KIAA1328: variants seen among roughly 807,000 people sequenced by gnomAD.
KIAA1328 encodes the protein protein hinderin.
In KIAA1328, 52 loss-of-function variants were observed where a neutral mutation model predicts 68.1. The ratio of observed to expected loss-of-function variants is 0.76; its 90% CI spans 0.61 to 0.96. The LOEUF is 0.96. Ranked by LOEUF, KIAA1328 falls within the 40% of genes least tolerant of loss-of-function variation. The pLI is 0.00. For synonymous variants in KIAA1328, 232 were observed against 239.4 expected (o/e 0.97, Z 0.28); for missense variants, 641 against 677.6 (o/e 0.95, Z 0.60).
At chr18:36,838,725 A>G (rs535415326) in intron 3 of KIAA1328, among the ~76,000 whole-genome samples, 113 of 151,978 alleles carry the variant, frequency 7.4e-4, no homozygotes, top group African/African-American at 2.3e-3. Flanking sequence ...ATTTGGTTAT[A>G]GTATACCCTG....
At chr18:37,118,535 T>C (rs544274518) in intron 7 of KIAA1328, among the ~76,000 whole-genome samples, 2 of 152,180 alleles carry the variant, frequency 1.3e-5, no homozygotes, top group South Asian at 4.1e-4. Flanking sequence ...TTCCTTTGTG[T>C]AGTAGCAACC....
At chr18:36,895,657 GTATT>G (rs1200077649) in intron 5 of KIAA1328, 26 of 431,808 alleles carry the variant, frequency 6.0e-5, no homozygotes, top group African/African-American at 5.2e-4. Context: ...GTTTGCTTAT[GTATT>G]TATTTGTTAC....
intron 6 of KIAA1328, among the ~76,000 whole-genome samples, chr18:37,041,116 T>A (rs2055227195): frequency 6.6e-6 from 1 of 151,984 alleles, no homozygotes; most frequent in Non-Finnish European, 1.5e-5. Context: ...GATTTTTTGT[T>A]TAGTTGTTCC....
intron 9 of KIAA1328, among the ~76,000 whole-genome samples, chr18:37,203,910 T>A (rs918689250): frequency 7.9e-5 from 12 of 151,862 alleles, no homozygotes; most frequent in African/African-American, 2.7e-4. Flanking sequence ...CCCGGGTTCA[T>A]GCCATTCTCC....
rs116558403 is a variant in KIAA1328 at position 36,937,754 on chromosome 18, T to A, written c.449-21554T>A. On this transcript the variant is annotated intron_variant, in intron 5 of 9. Coordinates refer to ENST00000280020, the MANE Select transcript of KIAA1328 (RefSeq NM_020776.3). Reference sequence around the variant, plus strand: ...CTTACATTTATATCCTTTTTTTCCCTTCATTCCCACCTCCCCACTACCCCT... The same window carrying A: ...CTTACATTTATATCCTTTTTTTCCCATCATTCCCACCTCCCCACTACCCCT... Among the ~76,000 whole-genome samples the A allele has an allele frequency of 6.7e-3, 1,015 of 152,210 alleles. 15 individuals carry two copies. Among genetic ancestry groups the A allele is most frequent in the African/African-American group, 0.023 (940 of 41,532 alleles).
chr18:36,850,240 T>C (rs758540806), intron 4 of KIAA1328, among the ~76,000 whole-genome samples: 1 of 152,102 alleles, frequency 6.6e-6, no homozygotes, highest in African/African-American at 2.4e-5. Flanking sequence ...TTCATTTTGA[T>C]GCTTTTGTAA....
intron 5 of KIAA1328, chr18:36,923,912 A>G (rs1479588392): frequency 6.6e-6 from 1 of 152,206 alleles, no homozygotes; most frequent in Non-Finnish European, 1.5e-5. Flanking sequence ...AGGAGTTCTG[A>G]TTTGATGAGA....
chr18:37,002,169 T>C (rs938281046), intron 6 of KIAA1328, among the ~76,000 whole-genome samples: 2 of 151,326 alleles, frequency 1.3e-5, no homozygotes, highest in African/African-American at 2.4e-5. Flanking sequence ...AATTACAAGA[T>C]ACAAAATTGA....
chr18:37,207,020 G>A (rs1411943206), intron 9 of KIAA1328, among the ~76,000 whole-genome samples: 1 of 152,174 alleles, frequency 6.6e-6, no homozygotes, highest in Non-Finnish European at 1.5e-5. Context: ...AGGCAAATCA[G>A]AACAGGGGAG....
At chr18:36,944,374 C>G (rs1040941733) in intron 5 of KIAA1328, among the ~76,000 whole-genome samples, 6 of 151,948 alleles carry the variant, frequency 3.9e-5, no homozygotes, top group Non-Finnish European at 8.8e-5. Context: ...ATCAGGAGAT[C>G]GAGACCATCC....
intron 6 of KIAA1328, among the ~76,000 whole-genome samples, chr18:37,022,064 AAAAT>A (rs929253085): frequency 7.2e-5 from 11 of 151,734 alleles, no homozygotes; most frequent in Non-Finnish European, 4.4e-5. Flanking sequence ...TAATTAAAAT[AAAAT>A]AAAATAAAAT....
intron 4 of KIAA1328, among the ~76,000 whole-genome samples, chr18:36,873,115 A>G (rs1052942200): frequency 6.6e-6 from 1 of 152,154 alleles, no homozygotes; most frequent in Non-Finnish European, 1.5e-5. Context: ...GTTTTTCGCT[A>G]TGGGCAGGCT....
intron 5 of KIAA1328, among the ~76,000 whole-genome samples, chr18:36,940,674 C>CTTTTTTTT (rs1272164052): frequency 1.6e-5 from 2 of 127,698 alleles, no homozygotes; most frequent in Non-Finnish European, 3.3e-5. Flanking sequence ...GCTCATTTTA[C>CTTTTTTTT]TTTTTTTTTT....
At chr18:37,120,164 C>T (rs2058230188) in intron 7 of KIAA1328, among the ~76,000 whole-genome samples, 1 of 151,870 alleles carries the variant, frequency 6.6e-6, no homozygotes, top group Non-Finnish European at 1.5e-5. Context: ...GAATCAGAGG[C>T]AGGGGAAGCA....
chr18:36,833,482 AGG>A (rs1487489891), intron 1 of KIAA1328: 1 of 152,242 alleles, frequency 6.6e-6, no homozygotes, highest in Non-Finnish European at 1.5e-5. Context: ...AACAAGTTAC[AGG>A]GATCAGATCT....
At chr18:37,152,011 A>G (rs1294250721) in intron 7 of KIAA1328, among the ~76,000 whole-genome samples, 1 of 150,426 alleles carries the variant, frequency 6.6e-6, no homozygotes, top group Admixed American at 6.6e-5. Flanking sequence ...GGAGTAGCCC[A>G]GTCATGGCTA....
rs559744012 is a variant in KIAA1328, at chr18:36,875,600, C to T, written c.333-9957C>T. Among the ~76,000 whole-genome samples the T allele has an allele frequency of 1.6e-4, 25 of 152,212 alleles. 1 individual carries two copies. In the East Asian group the frequency reaches 2.3e-3, roughly 14 times the overall value. On this transcript the variant is annotated intron_variant, in intron 4 of 9. Coordinates refer to ENST00000280020, the MANE Select transcript of KIAA1328 (RefSeq NM_020776.3). ...ATGGGGGTTTAATAAATATGCAATC[C>T]TGTCATCTGCAAACAGAGACAATTT...
Position 37,222,423 on chromosome 18 carries a change from C to T in KIAA1328, c.*196C>T. The T allele has an allele frequency of 7.0e-7, 1 of 1,420,768 alleles. No homozygotes were observed. Among genetic ancestry groups the T allele is most frequent in the Non-Finnish European group, 9.1e-7 (1 of 1,093,106 alleles). The allele number at this position is 1,420,768 out of a possible 1,614,324, so 88.0% of individuals were successfully genotyped here. Reference sequence around the variant, plus strand: ...CAATCAGACCAGGCATTCGATAACACACTAAGGGGGTAGGAATGGAAGATG... The same window carrying T: ...CAATCAGACCAGGCATTCGATAACATACTAAGGGGGTAGGAATGGAAGATG... On this transcript the variant is annotated 3_prime_UTR_variant, in exon 10 of 10. Transcript: ENST00000280020.
chr18:37,104,949 T>C (rs2057727909), intron 7 of KIAA1328, among the ~76,000 whole-genome samples: 1 of 152,220 alleles, frequency 6.6e-6, no homozygotes, highest in African/African-American at 2.4e-5. Flanking sequence ...TAATTATCAA[T>C]GATAACTGGC....
Sources: allele counts gnomAD v4.1 joint callset (sites outside exome capture counted in the v4.1 genomes callset), GRCh38; gene constraint gnomAD v4.1.1; transcripts MANE v1.5; gene names NCBI Gene and HGNC (gene_info 2026-07-23, HGNC 2026-07-21).